Variants in ROBO2 observed in about 807,000 individuals in gnomAD.
ROBO2 encodes roundabout homolog 2.
ROBO2 carries 53 observed loss-of-function variants against 160.8 expected under a neutral mutation model. The observed-to-expected ratio is 0.33, with a 90% CI of 0.26 to 0.41. ROBO2 has a LOEUF of 0.41. ROBO2 is among the 10% of genes least tolerant of loss of function. The pLI is 1.00. For synonymous variants in ROBO2, 664 were observed against 611.7 expected (o/e 1.09, Z -1.26); for missense variants, 1,577 against 1,722.4 (o/e 0.92, Z 1.49).
At chr3:77,296,707 G>A (rs2062168279) in intron 2 of ROBO2, among the ~76,000 whole-genome samples, 1 of 152,122 alleles carries the variant, frequency 6.6e-6, no homozygotes, top group African/African-American at 2.4e-5. Context: ...CTTGTGGTAA[G>A]ATGAATCATG....
chr3:76,128,622 A>AGTGT (rs71101881), intron 2 of ROBO2, among the ~76,000 whole-genome samples: 143 of 150,000 alleles, frequency 9.5e-4, no homozygotes, highest in South Asian at 1.7e-3. Context: ...ATATGATATG[A>AGTGT]GTGTGTGTGT....
intron 4 of ROBO2, among the ~76,000 whole-genome samples, chr3:77,490,443 A>G (rs1275027895): frequency 2.0e-5 from 3 of 152,202 alleles, no homozygotes; most frequent in Non-Finnish European, 4.4e-5. Flanking sequence ...AAATATCTTC[A>G]TCACGTTTAA....
intron 2 of ROBO2, among the ~76,000 whole-genome samples, chr3:76,272,905 AT>A (rs1354112966): frequency 8.4e-5 from 4 of 47,448 alleles, no homozygotes; most frequent in Non-Finnish European, 1.8e-4. Context: ...TATAATATAT[AT>A]TTATATATAA....
At chr3:77,232,562 C>A (rs62249661) in intron 2 of ROBO2, among the ~76,000 whole-genome samples, 4,666 of 152,084 alleles carry the variant, frequency 0.031, 82 homozygotes, top group Middle Eastern at 0.058. Context: ...TTGAGATATG[C>A]GATATTAAAA....
At chr3:76,594,891 A>G (rs2086642606) in intron 2 of ROBO2, among the ~76,000 whole-genome samples, 1 of 152,052 alleles carries the variant, frequency 6.6e-6, no homozygotes, top group Admixed American at 6.6e-5. Context: ...AATACTGACA[A>G]TAATAAAGCT....
intron 2 of ROBO2, among the ~76,000 whole-genome samples, chr3:76,484,142 C>T (rs1349286944): frequency 6.6e-6 from 1 of 152,138 alleles, no homozygotes; most frequent in African/African-American, 2.4e-5. Flanking sequence ...AATCACCATT[C>T]TGCTTACCTA....
chr3:77,620,662 A>G (rs544490745), intron 22 of ROBO2, among the ~76,000 whole-genome samples: 1 of 152,238 alleles, frequency 6.6e-6, no homozygotes, highest in Non-Finnish European at 1.5e-5. Flanking sequence ...AGCTTCCAGA[A>G]TTAGAAATTT....
At chr3:76,155,953 A>T (rs1406953873) in intron 2 of ROBO2, among the ~76,000 whole-genome samples, 1 of 152,008 alleles carries the variant, frequency 6.6e-6, no homozygotes, top group Non-Finnish European at 1.5e-5. Flanking sequence ...CAAAGAAACT[A>T]GTCGGTTATA....
chr3:77,248,966 C>T (rs767117197), intron 2 of ROBO2, among the ~76,000 whole-genome samples: 1 of 152,094 alleles, frequency 6.6e-6, no homozygotes, highest in East Asian at 1.9e-4. Context: ...CAACCTCCAC[C>T]GCCCGGGTTC....
chr3:77,575,481 C>G (rs753899030), intron 14 of ROBO2, among the ~76,000 whole-genome samples: 3 of 152,018 alleles, frequency 2.0e-5, no homozygotes, highest in Non-Finnish European at 4.4e-5. Flanking sequence ...ATAAGAGAAG[C>G]CTTTAAAAAA....
At chr3:77,125,906 ATTAG>A (rs1486192917) in intron 2 of ROBO2, among the ~76,000 whole-genome samples, 1 of 152,138 alleles carries the variant, frequency 6.6e-6, no homozygotes, top group Non-Finnish European at 1.5e-5. Context: ...CTGAAGTACT[ATTAG>A]TTGTTTCACT....
chr3:77,069,871 G>A (rs1254637774), intron 1 of ROBO2, among the ~76,000 whole-genome samples: 1 of 152,128 alleles, frequency 6.6e-6, no homozygotes, highest in African/African-American at 2.4e-5. Context: ...GTGTTGAATT[G>A]TGTCCCTCCA....
At chr3:76,071,759 CAA>C (rs2068462204) in intron 2 of ROBO2, among the ~76,000 whole-genome samples, 1 of 151,794 alleles carries the variant, frequency 6.6e-6, no homozygotes, top group Non-Finnish European at 1.5e-5. Flanking sequence ...GGAAAGTAAA[CAA>C]ATACTTTAAA....
chr3:77,175,032 A>G (rs2080003197), intron 2 of ROBO2, among the ~76,000 whole-genome samples: 1 of 152,102 alleles, frequency 6.6e-6, no homozygotes, highest in African/African-American at 2.4e-5. Flanking sequence ...AATAAGGCAC[A>G]TAATCTTCCT....
At chr3:76,869,435 C>T (rs1452300928) in intron 2 of ROBO2, among the ~76,000 whole-genome samples, 9 of 148,128 alleles carry the variant, frequency 6.1e-5, no homozygotes, top group Admixed American at 2.0e-4. Context: ...CTGCAAGCTC[C>T]GCCTCCCGGG....
At chr3:76,536,065 G>A (rs1159549786) in intron 2 of ROBO2, among the ~76,000 whole-genome samples, 1 of 152,160 alleles carries the variant, frequency 6.6e-6, no homozygotes, top group African/African-American at 2.4e-5. Flanking sequence ...GGAATCATGG[G>A]CTGCGGGCAT....
At chr3:77,113,923 G>T (rs2073945095) in intron 2 of ROBO2, among the ~76,000 whole-genome samples, 2 of 152,206 alleles carry the variant, frequency 1.3e-5, no homozygotes, top group Admixed American at 1.3e-4. Flanking sequence ...AGGAAGTTTA[G>T]AGATCCTCAG....
At chr3:77,019,984 T>A (rs905142462) in intron 2 of ROBO2, among the ~76,000 whole-genome samples, 1 of 152,112 alleles carries the variant, frequency 6.6e-6, no homozygotes, top group Non-Finnish European at 1.5e-5. Flanking sequence ...TGCCAAAGGA[T>A]CCTCATGAAG....
chr3:77,405,073 A>G (rs2076151019), intron 2 of ROBO2, among the ~76,000 whole-genome samples: 1 of 152,188 alleles, frequency 6.6e-6, no homozygotes, highest in African/African-American at 2.4e-5. Flanking sequence ...GGAAGCAGTG[A>G]TCTCTCTTAC....
Sources: gnomAD v4.1 joint callset for allele counts (sites outside exome capture counted in the v4.1 genomes callset) on GRCh38, gnomAD v4.1.1 for gene constraint, MANE v1.5 for transcripts, NCBI Gene and HGNC (gene_info 2026-07-23, HGNC 2026-07-21) for gene names.